CLASRP: variants seen among roughly 807,000 people sequenced by gnomAD.
The protein encoded by CLASRP is CLK4 associating serine/arginine rich protein, also known as CLK4-associating serine/arginine rich protein.
In CLASRP, 52 loss-of-function variants were observed where a neutral mutation model predicts 99.9. The ratio of observed to expected loss-of-function variants is 0.52; its 90% CI spans 0.42 to 0.66. The LOEUF (loss-of-function observed/expected upper bound fraction) is 0.66. Among genes scored for constraint, CLASRP ranks in the 30% least tolerant of loss-of-function variants. CLASRP has a pLI of 0.00. For missense variants in CLASRP, 848 were observed against 999.2 expected (o/e 0.85, Z 2.04); for synonymous variants, 379 against 373.0 (o/e 1.02, Z -0.18).
intron 13 of CLASRP, among the ~76,000 whole-genome samples, chr19:45,066,938 G>A (rs2122608161): frequency 6.6e-6 from 1 of 152,292 alleles, no homozygotes; most frequent in Admixed American, 6.5e-5. Flanking sequence ...CAAGCAGGAT[G>A]AGGTGGTGGG....
chr19:45,063,759 A>G (rs1038202357), intron 11 of CLASRP, among the ~76,000 whole-genome samples: 3 of 151,442 alleles, frequency 2.0e-5, no homozygotes, highest in African/African-American at 7.3e-5. Context: ...CTGCTCATCC[A>G]TTTTTCATAG....
At position 45,052,691 on chromosome 19, in the gene CLASRP, G is replaced by A. The variant is rs1452588277; in HGVS notation, c.198-100G>A. The A allele has an allele frequency of 2.2e-5, 18 of 831,672 alleles. No homozygotes were observed. The East Asian group carries it at 4.3e-4, about 20-fold the overall frequency. 51.5% of individuals were successfully genotyped at this position (831,672 alleles called of 1,614,324 possible). ...GGCATGGGGACCAAAGCAGGCTGAGGGCCAGGCTTCTAAGCCTCAGCTGGC... is the reference window on the plus strand; with the variant it reads ...GGCATGGGGACCAAAGCAGGCTGAGAGCCAGGCTTCTAAGCCTCAGCTGGC... On this transcript the variant is annotated intron_variant, in intron 3 of 20. Transcript: ENST00000221455.
chr19:45,067,729 G>A lies in CLASRP; in HGVS notation c.1667+135G>A, dbSNP rs1967125812. The stretch of plus-strand genomic sequence containing the variant: ...GGTGGTGTATGGCCCTGGCCTGGGA[G>A]GGTGGATTTCAGGGGGACACAGCCC... On this transcript the variant is annotated intron_variant, in intron 14 of 20. Coordinates refer to ENST00000221455, the MANE Select transcript of CLASRP (RefSeq NM_007056.3). The surrounding 1 kb of genome is among the most constrained non-coding windows in gnomAD (Gnocchi z 4.9). The A allele has an allele frequency of 1.2e-6, 1 of 863,182 alleles. No individual in the cohort carries two copies. Among genetic ancestry groups the A allele is most frequent in the Admixed American group, 2.8e-5 (1 of 36,214 alleles). 53.5% of individuals were successfully genotyped at this position (863,182 alleles called of 1,614,324 possible).
intron 4 of CLASRP, 75 bp from the exon 5 acceptor site, chr19:45,053,023 T>C: frequency 1.3e-6 from 2 of 1,574,144 alleles, no homozygotes; most frequent in Non-Finnish European, 1.7e-6. Context: ...GGGGGATGCC[T>C]CATTTCCCTT....
intron 3 of CLASRP, 133 bp from the exon 4 acceptor site, chr19:45,052,658 A>AG: frequency 1.5e-6 from 1 of 649,972 alleles, no homozygotes; most frequent in Non-Finnish European, 2.7e-6. Flanking sequence ...GGTTGAGGTG[A>AG]GGGTCATGGC....
chr19:45,070,873 AG>A lies in CLASRP; in HGVS notation c.*33del. ...AGAAGAGTGGGGGGTGGGGAGGACAAGGGGGTGGGTAAGGGGCTCAAGCTGT... is the reference window on the plus strand; with the variant it reads ...AGAAGAGTGGGGGGTGGGGAGGACAAGGGGTGGGTAAGGGGCTCAAGCTGT... On this transcript the variant is annotated 3_prime_UTR_variant, in exon 21 of 21. Transcript: ENST00000221455. The A allele has an allele frequency of 1.6e-6, 1 of 609,066 alleles. No homozygotes were observed. Among genetic ancestry groups the A allele is most frequent in the Non-Finnish European group, 2.9e-6 (1 of 341,582 alleles). The allele number at this position is 609,066 out of a possible 1,614,324, so 37.7% of individuals were successfully genotyped here. A position where few individuals can be genotyped will look rare whatever the true frequency, so the allele number is the denominator to read the frequency against.
chr19:45,064,224 CCCGGTCGGTAACGCTCACG>C lies in CLASRP; in HGVS notation c.1121+1_1121+19del. On this transcript the variant is annotated splice_donor_variant and splice_donor_5th_base_variant and coding_sequence_variant and intron_variant, in exon 12 of 21. Transcript: ENST00000221455. LOFTEE classifies it high-confidence loss of function. Reference sequence around the variant, plus strand: ...CCCGCCCCGGGACGTAATGCCAGCGCCCGGTCGGTAACGCTCACGCCGCCCGCCCTACGCCCCGGTCACC... The same window carrying C: ...CCCGCCCCGGGACGTAATGCCAGCGCCCGCCCGCCCTACGCCCCGGTCACC... 6.3e-7 allele frequency: 1 copy of C among 1,589,880 alleles called. No homozygotes were observed. The highest frequency in any genetic ancestry group is 8.5e-7 in the Non-Finnish European group (1 of 1,169,614).
chr19:45,039,990 C>G, intron 1 of CLASRP, 194 bp from the exon 2 acceptor site: 1 of 429,580 alleles, frequency 2.3e-6, no homozygotes. Context: ...TCAGAATGCC[C>G]AAGCTTCTAG....
intron 6 of CLASRP, among the ~76,000 whole-genome samples, chr19:45,057,049 C>A (rs1003511159): frequency 7.2e-5 from 11 of 152,182 alleles, no homozygotes; most frequent in African/African-American, 2.4e-4. Flanking sequence ...TATCCTGGAG[C>A]AGCTGCCTCT....
intron 5 of CLASRP, among the ~76,000 whole-genome samples, chr19:45,054,720 A>C (rs997083387): frequency 6.6e-6 from 1 of 152,094 alleles, no homozygotes; most frequent in South Asian, 2.1e-4. Context: ...TAAGGGAAGG[A>C]TGGAGTTCTC....
At chr19:45,068,648 A>G (rs1222333406) in intron 16 of CLASRP, among the ~76,000 whole-genome samples, 168 bp downstream of exon 16, 5 of 139,702 alleles carry the variant, frequency 3.6e-5, no homozygotes, top group Non-Finnish European at 8.1e-5. Context: ...CGCTGCCGCT[A>G]TGCTGGGGCC....
chr19:45,059,930 A>G (rs4802246), intron 8 of CLASRP, among the ~76,000 whole-genome samples: 102,121 of 152,014 alleles, frequency 0.67, 35,201 homozygotes, highest in East Asian at 0.91. Flanking sequence ...CAGCCTGCAC[A>G]GTCTCCTTGC....
intron 7 of CLASRP, 161 bp downstream of exon 7, chr19:45,058,059 T>C (rs761739060): frequency 1.7e-5 from 14 of 814,266 alleles, no homozygotes; most frequent in Non-Finnish European, 2.7e-5. Flanking sequence ...CTCACTCCTG[T>C]CCTCCTCCGT....
chr19:45,064,539 CG>C lies in CLASRP; in HGVS notation c.1320del (p.Arg441GlyfsTer68). On this transcript the variant is annotated frameshift_variant, in exon 13 of 21. Coordinates refer to ENST00000221455, the MANE Select transcript of CLASRP (RefSeq NM_007056.3). LOFTEE classifies it high-confidence loss of function. ...CTATTCCCGGTCCCGTAGCCGTGGC[CG>C]GCGGCACTCAGGTGGGGGCTCCCGA... ...RRYSRSRSRG[R>X]RHSGGGSRDG... 1 of 1,538,050 alleles carries C rather than the reference CG, an allele frequency of 6.5e-7. No homozygotes were observed. Among genetic ancestry groups the C allele is most frequent in the Non-Finnish European group, 8.7e-7 (1 of 1,146,340 alleles).
chr19:45,061,768 C>A (rs1261308076), intron 10 of CLASRP, among the ~76,000 whole-genome samples: 1 of 152,010 alleles, frequency 6.6e-6, no homozygotes, highest in Non-Finnish European at 1.5e-5. Context: ...GCCACCGCAC[C>A]CAGCCTATTT....
chr19:45,068,571 G>A, intron 16 of CLASRP, 91 bp downstream of exon 16: 1 of 1,018,316 alleles, frequency 9.8e-7, no homozygotes, highest in Non-Finnish European at 1.6e-6. Flanking sequence ...TGGGAGGCCT[G>A]GCCCTTCCCT....
intron 2 of CLASRP, among the ~76,000 whole-genome samples, chr19:45,041,244 AG>A (rs1971807426): frequency 6.6e-6 from 1 of 151,352 alleles, no homozygotes; most frequent in Non-Finnish European, 1.5e-5. Context: ...AAAAAAAAAA[AG>A]ACTGTCTCAA....
Position 45,059,380 on chromosome 19 carries a change from T to C in CLASRP, c.710+16T>C, listed in dbSNP as rs1297008872. The C allele has an allele frequency of 7.7e-6, 12 of 1,563,834 alleles. No homozygotes were observed. In the East Asian group the frequency reaches 1.4e-4, roughly 18 times the overall value. On this transcript the variant is annotated intron_variant, in intron 8 of 20. Coordinates refer to ENST00000221455, the MANE Select transcript of CLASRP (RefSeq NM_007056.3). ...ACTTCGTCAGGTGAGGCCTGCCTGC[T>C]GACACCCCTACCCATTCTGTGGGCC...
In CLASRP at chr19:45,052,833, C is replaced by G; in HGVS notation, c.240C>G (p.Phe80Leu). ...ACACCAACAACATGATTGACCGATT[C>G]GATGTCCGTGCCCACCTGGACCACA... ...QGDTNNMIDR[F>L]DVRAHLDHIP... The change falls in exon 4 of 21, where the codon TTC (phenylalanine) becomes TTG (leucine). Residue 80 changes from phenylalanine (F) to leucine (L), a missense_variant. Physicochemically the swap from Phe to Leu is conservative, Grantham distance 22 (BLOSUM62 0). Transcript: ENST00000221455. 1.2e-6 allele frequency: 2 copies of G among 1,612,662 alleles called. No individual in the cohort carries two copies. Among genetic ancestry groups the G allele is most frequent in the Non-Finnish European group, 1.7e-6 (2 of 1,179,462 alleles).
Sources: allele counts gnomAD v4.1 joint callset (sites outside exome capture counted in the v4.1 genomes callset), GRCh38; gene constraint gnomAD v4.1.1; non-coding constraint Gnocchi (gnomAD v3.1); transcripts MANE v1.5; gene names NCBI Gene and HGNC (gene_info 2026-07-23, HGNC 2026-07-21).